The following ZNF35 variants were observed in gnomAD, a reference collection of about 807,000 sequenced individuals.
ZNF35 encodes the protein zinc finger protein 35 (clone HF.10).
In ZNF35, 31 loss-of-function variants were observed where a neutral mutation model predicts 45.9. That is an observed-to-expected ratio of 0.68 (90% CI 0.51 to 0.91). The LOEUF (loss-of-function observed/expected upper bound fraction) is 0.91. Among genes scored for constraint, ZNF35 ranks in the 40% least tolerant of loss-of-function variants. ZNF35 has a pLI of 0.00. For missense variants in ZNF35, 515 were observed against 625.4 expected (o/e 0.82, Z 1.88); for synonymous variants, 205 against 220.2 (o/e 0.93, Z 0.61).
At chr3:44,647,976 A>G (rs1169335256), upstream of ZNF35, 1 of 152,180 alleles carries the variant, frequency 6.6e-6, no homozygotes, top group South Asian at 2.1e-4. Flanking sequence ...TTTATGTAAG[A>G]TGTAACCATG....
upstream of ZNF35, chr3:44,648,586 C>A (rs1408418163): frequency 6.6e-6 from 1 of 152,210 alleles, no homozygotes; most frequent in Non-Finnish European, 1.5e-5. Flanking sequence ...CTTAGAGCTT[C>A]CAACAGCACA....
At position 44,659,718 on chromosome 3, in the gene ZNF35, G is replaced by T. The variant is rs968778433; in HGVS notation, c.1355G>T (p.Gly452Val). ...CTTCCTTACGTGTGTAATGAATGTG[G>T]GAAGGCCTTCACATGTAGCTCATAC... ...GDLPYVCNEC[G>V]KAFTCSSYLL... Residue 452 changes from glycine (G) to valine (V), a missense_variant, in exon 4 of 4, where the codon GGG becomes GTG. Coordinates refer to ENST00000396056, the MANE Select transcript of ZNF35 (RefSeq NM_003420.4). The surrounding 1 kb of genome is among the most constrained non-coding windows in gnomAD (Gnocchi z 4.3). The T allele has an allele frequency of 6.2e-7, 1 of 1,613,754 alleles. No homozygotes were observed. The highest frequency in any genetic ancestry group is 1.3e-5 in the African/African-American group (1 of 74,758).
At position 44,659,407 on chromosome 3, in the gene ZNF35, C is replaced by T; in HGVS notation, c.1044C>T (p.Asn348=). 1 of 1,611,912 alleles carries T rather than the reference C, an allele frequency of 6.2e-7. No individual in the cohort carries two copies. The highest frequency in any genetic ancestry group is 8.5e-7 in the Non-Finnish European group (1 of 1,178,964). The change falls in exon 4 of 4, where the codon AAC becomes AAT. Residue 348 remains asparagine, a synonymous_variant. Coordinates refer to ENST00000396056, the MANE Select transcript of ZNF35 (RefSeq NM_003420.4). This position sits in a 1 kb window ranked among gnomAD's most constrained non-coding sequence, Gnocchi z 4.3. ...GGAAAACATTTACTAGGAGCTCAAA[C>T]CTCATTGTCCACCAGAGGATCCACA... The part of the protein sequence containing the change: ...ECGKTFTRSS[N]LIVHQRIHTG...
upstream of ZNF35, chr3:44,646,548 C>A: frequency 8.0e-7 from 1 of 1,242,844 alleles, no homozygotes; most frequent in Non-Finnish European, 1.2e-6. Flanking sequence ...GAAACAGACA[C>A]ATCCAGAACG....
chr3:44,659,608 G>A lies in ZNF35; in HGVS notation c.1245G>A (p.Glu415=), dbSNP rs1297946997. The change falls in exon 4 of 4, where the codon GAG becomes GAA. Residue 415 remains glutamate, a synonymous_variant. Transcript: ENST00000396056. The surrounding 1 kb of genome is among the most constrained non-coding windows in gnomAD (Gnocchi z 4.3). The part of the protein sequence containing the change: ...LIVHQRIHTA[E]KPYDCSECGK... ...TGCACCAGAGAATTCACACTGCAGA[G>A]AAACCTTACGACTGCAGCGAATGTG... 6.2e-7 allele frequency: 1 copy of A among 1,614,096 alleles called. No homozygotes were observed. Among genetic ancestry groups the A allele is most frequent in the Non-Finnish European group, 8.5e-7 (1 of 1,180,000 alleles).
intron 1 of ZNF35, among the ~76,000 whole-genome samples, chr3:44,650,357 G>A (rs537463202): frequency 6.6e-6 from 1 of 152,228 alleles, no homozygotes; most frequent in Non-Finnish European, 1.5e-5. Flanking sequence ...ACCATCCAGA[G>A]TTAACTACCC....
intron 3 of ZNF35, among the ~76,000 whole-genome samples, chr3:44,657,308 A>G (rs1703327617): frequency 6.6e-6 from 1 of 152,174 alleles, no homozygotes; most frequent in Admixed American, 6.5e-5. Flanking sequence ...TCACAGCACC[A>G]CTGCTTATTT....
In ZNF35 at chr3:44,652,560, C is replaced by T. The variant is rs1703223555; in HGVS notation, c.196C>T (p.Gln66Ter). The change falls in exon 3 of 4, where the codon CAG (glutamine) becomes TAG (stop). Residue 66 changes from glutamine (Q) to a stop codon, truncating the protein, a stop_gained. Coordinates refer to ENST00000396056, the MANE Select transcript of ZNF35 (RefSeq NM_003420.4). LOFTEE classifies it high-confidence loss of function. ...LDGSEEEEKGQNISWDMAVVL... is the reference protein window; with the variant it reads ...LDGSEEEEKG The stretch of plus-strand genomic sequence containing the variant: ...ACATGTGCCTGCTTGTCTCTAGGGT[C>T]AGAACATATCCTGGGATATGGCGGT... 1.3e-6 allele frequency: 2 copies of T among 1,598,234 alleles called. No individual in the cohort carries two copies. The highest frequency in any genetic ancestry group is 4.5e-5 in the East Asian group (2 of 44,228).
intron 3 of ZNF35, among the ~76,000 whole-genome samples, chr3:44,653,446 A>G (rs1703241959): frequency 6.6e-6 from 1 of 152,186 alleles, no homozygotes. Context: ...AATGAGTTTC[A>G]TCTCTGTGCA....
At position 44,650,394 on chromosome 3, in the gene ZNF35, C is replaced by G. The variant is rs77559530; in HGVS notation, c.-127-547C>G. ...CTGCTAACACGTTGGTATAAAGACTCCCAGTCTTTTTCTTGGGATCCTTTT... is the reference window on the plus strand; with the variant it reads ...CTGCTAACACGTTGGTATAAAGACTGCCAGTCTTTTTCTTGGGATCCTTTT... On this transcript the variant is annotated intron_variant, in intron 1 of 3. Coordinates refer to ENST00000396056, the MANE Select transcript of ZNF35 (RefSeq NM_003420.4). Among the ~76,000 whole-genome samples the G allele has an allele frequency of 3.3e-3, 502 of 152,242 alleles. 1 individual carries two copies. Among genetic ancestry groups the G allele is most frequent in the Non-Finnish European group, 4.4e-3 (296 of 68,010 alleles).
At chr3:44,647,266 T>G (rs763733404), upstream of ZNF35, 1 of 151,380 alleles carries the variant, frequency 6.6e-6, no homozygotes, top group Non-Finnish European at 1.5e-5. Flanking sequence ...TCGTGAGATA[T>G]CACCTATCAG....
intron 3 of ZNF35, among the ~76,000 whole-genome samples, chr3:44,653,286 CT>C (rs1193007444): frequency 1.3e-5 from 2 of 152,206 alleles, no homozygotes; most frequent in Non-Finnish European, 2.9e-5. Context: ...TTGGCCACTT[CT>C]GGATTCCTTT....
chr3:44,650,993 A>G lies in ZNF35; in HGVS notation c.-75A>G. ...AGAAACTCAAGAAGAAGCTTTTGAA[A>G]CATAAAGCTTGGATGGGGTTTGACC... On this transcript the variant is annotated 5_prime_UTR_variant, in exon 2 of 4. Coordinates refer to ENST00000396056, the MANE Select transcript of ZNF35 (RefSeq NM_003420.4). 7.0e-7 allele frequency: 1 copy of G among 1,427,816 alleles called. No individual in the cohort carries two copies. The highest frequency in any genetic ancestry group is 9.5e-7 in the Non-Finnish European group (1 of 1,057,582). 88.4% of individuals were successfully genotyped at this position (1,427,816 alleles called of 1,614,324 possible).
Position 44,656,342 on chromosome 3 carries a change from G to T in ZNF35, c.338-2359G>T, listed in dbSNP as rs1363365389. ...AACAGAACATTTTTAAAAAGAGGGAGCTAGCAGAACAGTAGGAATAGAAAT... is the reference window on the plus strand; with the variant it reads ...AACAGAACATTTTTAAAAAGAGGGATCTAGCAGAACAGTAGGAATAGAAAT... On this transcript the variant is annotated intron_variant, in intron 3 of 3. Coordinates refer to ENST00000396056, the MANE Select transcript of ZNF35 (RefSeq NM_003420.4). Among the ~76,000 whole-genome samples the T allele has an allele frequency of 2.6e-5, 4 of 151,280 alleles. No homozygotes were observed. The South Asian group carries it at 6.3e-4, about 24-fold the overall frequency.
chr3:44,657,313 T>G (rs1349260165), intron 3 of ZNF35, among the ~76,000 whole-genome samples: 1 of 152,212 alleles, frequency 6.6e-6, no homozygotes, highest in Non-Finnish European at 1.5e-5. Context: ...GCACCACTGC[T>G]TATTTCTGAG....
intron 3 of ZNF35, among the ~76,000 whole-genome samples, chr3:44,657,996 A>G (rs1224791343): frequency 6.6e-6 from 1 of 152,206 alleles, no homozygotes; most frequent in Admixed American, 6.5e-5. Flanking sequence ...AGATTGGGAA[A>G]CTGAGGCACA....
intron 2 of ZNF35, among the ~76,000 whole-genome samples, chr3:44,652,122 G>A (rs1703215214): frequency 6.6e-6 from 1 of 152,166 alleles, no homozygotes; most frequent in Non-Finnish European, 1.5e-5. Context: ...TCATGAGGCT[G>A]TACACTGTGC....
At position 44,659,348 on chromosome 3, in the gene ZNF35, A is replaced by T; in HGVS notation, c.985A>T (p.Ile329Phe). 2 of 1,614,134 alleles carry T rather than the reference A, an allele frequency of 1.2e-6. No individual in the cohort carries two copies. Among genetic ancestry groups the T allele is most frequent in the Non-Finnish European group, 1.7e-6 (2 of 1,180,014 alleles). The change falls in exon 4 of 4, where the codon ATT becomes TTT. Residue 329 changes from isoleucine to phenylalanine, a missense_variant. By Grantham distance (21) the Ile-to-Phe change is conservative. Coordinates refer to ENST00000396056, the MANE Select transcript of ZNF35 (RefSeq NM_003420.4). This position sits in a 1 kb window ranked among gnomAD's most constrained non-coding sequence, Gnocchi z 4.3. ...SQLARHQKVH[I>F]TEKCYECNEC... ...ACTTGCTCGGCACCAGAAAGTCCAC[A>T]TTACGGAAAAATGCTATGAATGTAA...
rs757659081 is a variant in ZNF35 at position 44,659,919 on chromosome 3, G to A, written c.1556G>A (p.Arg519Gln). 7.6e-6 allele frequency: 12 copies of A among 1,580,702 alleles called. No individual in the cohort carries two copies. The highest frequency in any genetic ancestry group is 8.6e-6 in the Non-Finnish European group (10 of 1,163,180). ...TTCATTTCCAACTCACACCTCATGC[G>A]ACACCATAGAACCCATCTTGTTGAA... ...AAFISNSHLM[R>Q]HHRTHLVE Residue 519 changes from arginine to glutamine, a missense_variant, in exon 4 of 4, where the codon CGA (arginine) becomes CAA (glutamine). By Grantham distance (43) the Arg-to-Gln change is conservative (BLOSUM62 1). Coordinates refer to ENST00000396056, the MANE Select transcript of ZNF35 (RefSeq NM_003420.4). The surrounding 1 kb of genome is among the most constrained non-coding windows in gnomAD (Gnocchi z 4.3).
Sources: allele counts gnomAD v4.1 joint callset (sites outside exome capture counted in the v4.1 genomes callset), GRCh38; gene constraint gnomAD v4.1.1; non-coding constraint Gnocchi (gnomAD v3.1); transcripts MANE v1.5; gene names NCBI Gene and HGNC (gene_info 2026-07-23, HGNC 2026-07-21).